Variants in R3HDM2 observed in about 807,000 individuals in gnomAD.
R3HDM2 encodes R3H domain containing 2, also known as R3H domain-containing protein 2.
Under a neutral mutation model 124.5 loss-of-function variants are expected in R3HDM2, and 38 were observed. The ratio of observed to expected loss-of-function variants is 0.31; its 90% CI spans 0.24 to 0.40. The LOEUF is 0.40. Ranked by LOEUF, R3HDM2 falls within the 10% of genes least tolerant of loss-of-function variation. The pLI, the probability that R3HDM2 is intolerant of heterozygous loss-of-function variation, is 1.00. For synonymous variants in R3HDM2, 391 were observed against 448.0 expected, an observed-to-expected ratio of 0.87 and a Z score of 1.61; for missense variants, 869 against 1,236.9, an observed-to-expected ratio of 0.70 and a Z score of 4.46.
chr12:57,286,787 A>T (rs1312912780), intron 12 of R3HDM2, among the ~76,000 whole-genome samples: 1 of 152,108 alleles, frequency 6.6e-6, no homozygotes, highest in Non-Finnish European at 1.5e-5. Context: ...CTGAGGCAGG[A>T]GAATTGCTTG....
intron 2 of R3HDM2, among the ~76,000 whole-genome samples, chr12:57,320,749 T>G (rs542102750): frequency 6.6e-6 from 1 of 152,148 alleles, no homozygotes; most frequent in Non-Finnish European, 1.5e-5. Context: ...CCTTCCATAA[T>G]AGAGTGAGAT....
rs1282479244 is a variant in R3HDM2 at position 57,366,117 on chromosome 12, TCC to T, written c.-36+29630_-36+29631del. Among the ~76,000 whole-genome samples, 23 of 152,268 alleles carry T rather than the reference TCC, an allele frequency of 1.5e-4. 1 individual carries two copies. The East Asian group carries it at 4.4e-3, about 29-fold the overall frequency. ...ATATTTTTAGACTGCTTGATGTTGT[TCC>T]ACTGCTCACTGACACTCTTCACTTA... On this transcript the variant is annotated intron_variant, in intron 2 of 23. Coordinates refer to ENST00000402412, the MANE Select transcript of R3HDM2 (RefSeq NM_001394031.1).
intron 1 of R3HDM2, among the ~76,000 whole-genome samples, chr12:57,426,192 C>A (rs1353272455): frequency 6.6e-6 from 1 of 152,090 alleles, no homozygotes; most frequent in Non-Finnish European, 1.5e-5. Context: ...CACACCATTG[C>A]ACTCCAGCTT....
chr12:57,424,114 CAAA>C (rs35579430), intron 1 of R3HDM2, among the ~76,000 whole-genome samples: 97 of 63,858 alleles, frequency 1.5e-3, no homozygotes, highest in Non-Finnish European at 2.4e-3. Context: ...AACTCTGTCT[CAAA>C]AAAAAAAAAA....
intron 12 of R3HDM2, among the ~76,000 whole-genome samples, chr12:57,285,964 C>T (rs901066887): frequency 6.6e-6 from 1 of 152,194 alleles, no homozygotes; most frequent in African/African-American, 2.4e-5. Flanking sequence ...TGTAGACTGC[C>T]TGATGATCTG....
At chr12:57,294,087 C>T (rs1210822959) in intron 10 of R3HDM2, among the ~76,000 whole-genome samples, 1 of 152,168 alleles carries the variant, frequency 6.6e-6, no homozygotes, top group African/African-American at 2.4e-5. Flanking sequence ...GATAATAACC[C>T]CCATCCTCAT....
At chr12:57,425,048 G>A (rs1328218865) in intron 1 of R3HDM2, among the ~76,000 whole-genome samples, 8 of 152,302 alleles carry the variant, frequency 5.3e-5, no homozygotes, top group South Asian at 2.1e-4. Flanking sequence ...TGAGGTGGGT[G>A]GATCACCTGA....
At chr12:57,320,241 A>G in intron 2 of R3HDM2, among the ~76,000 whole-genome samples, 1 of 134,866 alleles carries the variant, frequency 7.4e-6, no homozygotes, top group East Asian at 2.4e-4. Flanking sequence ...AGCTTGGGCA[A>G]CAAGAGTGCA....
At chr12:57,301,155 A>G (rs1462529990) in intron 4 of R3HDM2, among the ~76,000 whole-genome samples, 5 of 152,088 alleles carry the variant, frequency 3.3e-5, no homozygotes, top group Non-Finnish European at 7.4e-5. Context: ...AGAGACAGAT[A>G]AAACTTTATT....
chr12:57,264,482 G>A (rs2137213116), intron 19 of R3HDM2, among the ~76,000 whole-genome samples: 1 of 150,834 alleles, frequency 6.6e-6, no homozygotes, highest in South Asian at 2.1e-4. Context: ...TGAGGGAGGA[G>A]AACTGCTTGA....
At chr12:57,430,622 G>A (rs1028771778) in intron 1 of R3HDM2, 98 bp downstream of exon 1, 320 of 983,200 alleles carry the variant, frequency 3.3e-4, no homozygotes, top group Middle Eastern at 1.6e-3. Flanking sequence ...GAGGAACCCA[G>A]GCCGCGGGGC....
At chr12:57,429,784 T>C (rs1869243350) in intron 1 of R3HDM2, among the ~76,000 whole-genome samples, 1 of 151,246 alleles carries the variant, frequency 6.6e-6, no homozygotes. Flanking sequence ...GGGGGGAATA[T>C]TGGTGGAACA....
Position 57,313,347 on chromosome 12 carries a change from C to G in R3HDM2, c.-35-2884G>C, listed in dbSNP as rs141211984. Among the ~76,000 whole-genome samples the G allele has an allele frequency of 2.4e-4, 37 of 152,050 alleles. 2 individuals are homozygous for G. Among genetic ancestry groups the G allele is most frequent in the African/African-American group, 8.7e-4 (36 of 41,464 alleles). Reference sequence around the variant, plus strand: ...GGCTGAGCCAGCAGGATCGCTTGAGCCCAGGAGTTCTAGACTAGCCTAGAC... The same window carrying G: ...GGCTGAGCCAGCAGGATCGCTTGAGGCCAGGAGTTCTAGACTAGCCTAGAC... On this transcript the variant is annotated intron_variant, in intron 2 of 23. Coordinates refer to ENST00000402412, the MANE Select transcript of R3HDM2 (RefSeq NM_001394031.1).
chr12:57,375,109 G>A (rs1295146392), intron 2 of R3HDM2, among the ~76,000 whole-genome samples: 1 of 150,980 alleles, frequency 6.6e-6, no homozygotes, highest in Admixed American at 6.6e-5. Context: ...AACAATTTAT[G>A]TGACGAAGAA....
chr12:57,269,940 T>C lies in R3HDM2; in HGVS notation c.1399A>G (p.Thr467Ala), dbSNP rs1482804280. 4 of 1,614,178 alleles carry C rather than the reference T, an allele frequency of 2.5e-6. No homozygotes were observed. The highest frequency in any genetic ancestry group is 4.5e-5 in the East Asian group (2 of 44,888). Residue 467 changes from threonine to alanine, a missense_variant, in exon 15 of 24, where the codon ACT becomes GCT. By Grantham distance (58) the Thr-to-Ala change is moderately conservative (BLOSUM62 0). Coordinates refer to ENST00000402412, the MANE Select transcript of R3HDM2 (RefSeq NM_001394031.1). ...GQMSLSRQGS[T>A]EAADPSAALF... ...GCTGCAGATGGGTCAGCTGCTTCAG[T>C]AGAACCTTGGCGACTAAGGCTCATT...
At chr12:57,288,955 A>G in intron 12 of R3HDM2, 54 bp downstream of exon 12, 1 of 1,548,102 alleles carries the variant, frequency 6.5e-7, no homozygotes, top group East Asian at 2.4e-5. Flanking sequence ...GGATTATATT[A>G]ACCTCACTGG....
intron 21 of R3HDM2, among the ~76,000 whole-genome samples, chr12:57,257,021 C>T (rs551600350): frequency 5.9e-5 from 9 of 151,946 alleles, no homozygotes; most frequent in Non-Finnish European, 1.0e-4. Context: ...GGTTTCACCA[C>T]GTTGGCCAGG....
chr12:57,326,126 C>A (rs556934644), intron 2 of R3HDM2, among the ~76,000 whole-genome samples: 2 of 152,308 alleles, frequency 1.3e-5, no homozygotes, highest in South Asian at 2.1e-4. Flanking sequence ...TCTGACTCTT[C>A]TACCACCCAA....
At chr12:57,390,378 A>G (rs2066483297) in intron 2 of R3HDM2, among the ~76,000 whole-genome samples, 1 of 152,128 alleles carries the variant, frequency 6.6e-6, no homozygotes. Context: ...ACAAGGGCAG[A>G]GTCCAGCATG....
Sources: gnomAD v4.1 joint callset for allele counts (sites outside exome capture counted in the v4.1 genomes callset) on GRCh38, gnomAD v4.1.1 for gene constraint, MANE v1.5 for transcripts, NCBI Gene and HGNC (gene_info 2026-07-23, HGNC 2026-07-21) for gene names.